Variants in TFR2 observed in about 807,000 individuals in gnomAD.
TFR2 encodes the protein transferrin receptor 2.
TFR2 carries 64 observed loss-of-function variants against 91.9 expected under a neutral mutation model. That is an observed-to-expected ratio of 0.70 (90% CI 0.57 to 0.86). The LOEUF (loss-of-function observed/expected upper bound fraction) is 0.86. Among genes scored for constraint, TFR2 ranks in the 40% least tolerant of loss-of-function variants. TFR2 has a pLI of 0.00. For synonymous variants in TFR2, 454 were observed against 459.6 expected (o/e 0.99, Z 0.15); for missense variants, 950 against 1,080.5 (o/e 0.88, Z 1.69).
In TFR2 at chr7:100,640,876, G is replaced by A. The variant is rs1803685000; in HGVS notation, c.287-4C>T. ...GCGACGTAGCCCAGTAGGAAGGCTG[G>A]CGGGTGGCAAGATGGGGATTCTCTT... On this transcript the variant is annotated splice_region_variant and splice_polypyrimidine_tract_variant and intron_variant, in intron 2 of 17. Coordinates refer to ENST00000223051, the MANE Select transcript of TFR2 (RefSeq NM_003227.4). 6.2e-7 allele frequency: 1 copy of A among 1,614,048 alleles called. No individual in the cohort carries two copies. The highest frequency in any genetic ancestry group is 8.5e-7 in the Non-Finnish European group (1 of 1,180,022).
chr7:100,630,924 T>A lies in TFR2; in HGVS notation c.1235A>T (p.Asn412Ile), dbSNP rs1253038033. The change falls in exon 9 of 18, where the codon AAC becomes ATC. Residue 412 changes from asparagine (N) to isoleucine (I), a missense_variant. Physicochemically the swap from Asn to Ile is moderately radical, Grantham distance 149 (BLOSUM62 -3). Coordinates refer to ENST00000223051, the MANE Select transcript of TFR2 (RefSeq NM_003227.4). Reference protein sequence around the residue: ...NNHRTSTPINNIFGCIEGRSE... With the variant: ...NNHRTSTPINIIFGCIEGRSE... ...GCGGCCTTCGATGCAGCCGAAGATG[T>A]TGTTGATGGGGGTGGAGGTCCTGTG... 1.9e-6 allele frequency: 3 copies of A among 1,612,996 alleles called. No individual in the cohort carries two copies. The highest frequency in any genetic ancestry group is 1.7e-6 in the Non-Finnish European group (2 of 1,179,814).
In TFR2 at chr7:100,626,802, GTC is replaced by G. The variant is rs1562837561; in HGVS notation, c.2095_2096del (p.Asp699ArgfsTer92). ...CGTTGTACATGCGTGTCAGTCGCTC[GTC>G]TCTCTCCTCCGAGCTGTAGATCTCC... is the stretch of plus-strand genomic sequence containing the variant. ...RQEIYSSEER[D>X]ERLTRMYNVR... On this transcript the variant is annotated frameshift_variant, in exon 17 of 18. Coordinates refer to ENST00000223051, the MANE Select transcript of TFR2 (RefSeq NM_003227.4). LOFTEE classifies it high-confidence loss of function. 9 of 1,548,618 alleles carry G rather than the reference GTC, an allele frequency of 5.8e-6. No homozygotes were observed. Among genetic ancestry groups the G allele is most frequent in the Non-Finnish European group, 7.8e-6 (9 of 1,146,928 alleles).
intron 9 of TFR2, 142 bp from the exon 10 acceptor site, chr7:100,629,514 C>A: frequency 6.6e-7 from 1 of 1,515,352 alleles, no homozygotes; most frequent in African/African-American, 1.4e-5. Flanking sequence ...AGAGGGCGCC[C>A]CTCCCCACTT....
chr7:100,624,885 A>G (rs12531638), intron 17 of TFR2, among the ~76,000 whole-genome samples: 1 of 151,072 alleles, frequency 6.6e-6, no homozygotes, highest in African/African-American at 2.4e-5. Flanking sequence ...AAAAAAAAAC[A>G]AAAAAACAAG....
intron 8 of TFR2, chr7:100,631,589 A>AGG: frequency 4.2e-6 from 2 of 472,454 alleles, no homozygotes; most frequent in Non-Finnish European, 7.3e-6. Flanking sequence ...GCACCACTGC[A>AGG]CTCCAGCCTG....
In TFR2 at chr7:100,631,786, G is replaced by A. The variant is rs929108198; in HGVS notation, c.1106+20C>T. On this transcript the variant is annotated intron_variant, in intron 8 of 17. Coordinates refer to ENST00000223051, the MANE Select transcript of TFR2 (RefSeq NM_003227.4). ...CCTCTCTCTGCTTCCTCCTCTTCTGGTCCCCAACACTCCCCTCACCTCAGC... is the reference window on the plus strand; with the variant it reads ...CCTCTCTCTGCTTCCTCCTCTTCTGATCCCCAACACTCCCCTCACCTCAGC... The A allele has an allele frequency of 1.1e-5, 17 of 1,608,720 alleles. No individual in the cohort carries two copies. The highest frequency in any genetic ancestry group is 1.4e-5 in the Non-Finnish European group (16 of 1,176,880).
chr7:100,640,094 T>G (rs1334175470), intron 3 of TFR2: 1 of 153,170 alleles, frequency 6.5e-6, no homozygotes, highest in East Asian at 1.9e-4. Context: ...GTTATTTTGT[T>G]TTTGAAACAG....
chr7:100,632,360 T>C (rs1182967171), intron 6 of TFR2, among the ~76,000 whole-genome samples, 162 bp from the exon 7 acceptor site: 2 of 152,082 alleles, frequency 1.3e-5, no homozygotes, highest in Non-Finnish European at 2.9e-5. Context: ...CAGCAGCTCC[T>C]AGGCAGCCCT....
chr7:100,620,610 T>G lies in TFR2; in HGVS notation c.*247A>C. 1 of 500,570 alleles carries G rather than the reference T, an allele frequency of 2.0e-6. No homozygotes were observed. The highest frequency in any genetic ancestry group is 3.6e-6 in the Non-Finnish European group (1 of 278,828). The allele number at this position is 500,570 out of a possible 1,614,324, so 31.0% of individuals were successfully genotyped here. Reference sequence around the variant, plus strand: ...CCCAGAAAGGGGAAGGGGCTGTGATTGAAGGGATGCTACTCTCTGATTAAC... The same window carrying G: ...CCCAGAAAGGGGAAGGGGCTGTGATGGAAGGGATGCTACTCTCTGATTAAC... On this transcript the variant is annotated 3_prime_UTR_variant, in exon 18 of 18. Transcript: ENST00000223051.
Position 100,641,383 on chromosome 7 carries a change from A to G in TFR2, c.33+94T>C. On this transcript the variant is annotated intron_variant, in intron 1 of 17. Coordinates refer to ENST00000223051, the MANE Select transcript of TFR2 (RefSeq NM_003227.4). ...GGGTGGGAAGAAGCGAGGTCAGGAC[A>G]CGGTCCAGGAGGGGCCAGCCTCAGG... 3.2e-6 allele frequency: 5 copies of G among 1,554,968 alleles called. No homozygotes were observed. In the East Asian group the frequency reaches 9.3e-5, roughly 29 times the overall value.
rs1462577143 is a variant in TFR2, at chr7:100,626,807, TCTC to T, written c.2089_2091del (p.Glu697del). 1 of 1,549,012 alleles carries T rather than the reference TCTC, an allele frequency of 6.5e-7. No individual in the cohort carries two copies. Among genetic ancestry groups the T allele is most frequent in the Non-Finnish European group, 8.7e-7 (1 of 1,146,902 alleles). ...TACATGCGTGTCAGTCGCTCGTCTC[TCTC>T]CTCCGAGCTGTAGATCTCCTGCCGC... On this transcript the variant is annotated inframe_deletion, in exon 17 of 18. Transcript: ENST00000223051.
chr7:100,625,909 G>T (rs1042124002), intron 17 of TFR2, among the ~76,000 whole-genome samples: 1 of 152,058 alleles, frequency 6.6e-6, no homozygotes, highest in Admixed American at 6.6e-5. Flanking sequence ...GGCCAAGGGG[G>T]ACAGGCAGAG....
intron 3 of TFR2, 198 bp from the exon 4 acceptor site, chr7:100,633,754 G>T (rs548740936): frequency 3.3e-6 from 3 of 921,004 alleles, no homozygotes; most frequent in Non-Finnish European, 4.6e-6. Context: ...TGTCGCCCAG[G>T]CTGGAGTGCA....
intron 10 of TFR2, 29 bp from the exon 11 acceptor site, chr7:100,628,335 T>C: frequency 6.2e-7 from 1 of 1,611,072 alleles, no homozygotes; most frequent in Non-Finnish European, 8.5e-7. Flanking sequence ...GAGGACAGGC[T>C]TAGCAGGGGC....
intron 11 of TFR2, 35 bp from the exon 12 acceptor site, chr7:100,628,171 C>A: frequency 6.2e-7 from 1 of 1,613,428 alleles, no homozygotes; most frequent in South Asian, 1.1e-5. Flanking sequence ...GTGGGAACCC[C>A]CCACCCCCAC....
At chr7:100,630,861 T>C in intron 9 of TFR2, 28 bp downstream of exon 9, 1 of 1,611,906 alleles carries the variant, frequency 6.2e-7, no homozygotes, top group African/African-American at 1.3e-5. Flanking sequence ...CACCACCAGC[T>C]GTGAGTGATA....
At chr7:100,635,963 T>G (rs1173660332) in intron 3 of TFR2, among the ~76,000 whole-genome samples, 3 of 152,084 alleles carry the variant, frequency 2.0e-5, no homozygotes, top group Non-Finnish European at 4.4e-5. Flanking sequence ...TGAATGATTG[T>G]TAGTTTAGTA....
At chr7:100,634,981 C>T (rs187581754) in intron 3 of TFR2, among the ~76,000 whole-genome samples, 87 of 152,048 alleles carry the variant, frequency 5.7e-4, no homozygotes, top group African/African-American at 2.0e-3. Context: ...CTCTGTCGCC[C>T]AGGCTGGTGT....
At chr7:100,621,242 G>A (rs1449302051) in intron 17 of TFR2, 116 bp from the exon 18 acceptor site, 6 of 1,311,956 alleles carry the variant, frequency 4.6e-6, no homozygotes, top group Admixed American at 5.9e-5. Context: ...TTTTCTTTTT[G>A]TGTTTGTTTT....
Sources: allele counts gnomAD v4.1 joint callset (sites outside exome capture counted in the v4.1 genomes callset), GRCh38; gene constraint gnomAD v4.1.1; transcripts MANE v1.5; gene names NCBI Gene and HGNC (gene_info 2026-07-23, HGNC 2026-07-21).